The following EVI2B variants were observed in gnomAD, a reference collection of about 807,000 sequenced individuals.
EVI2B encodes ecotropic viral integration site 2B.
In EVI2B, 4 loss-of-function variants were observed where a neutral mutation model predicts 6.6. The ratio of observed to expected loss-of-function variants is 0.61; its 90% CI spans 0.30 to 1.39. The LOEUF (loss-of-function observed/expected upper bound fraction) is 1.39, where lower values mean the gene tolerates loss of function less well. Among genes scored for constraint, EVI2B ranks in the 40% most tolerant of loss-of-function variants. The probability of loss-of-function intolerance (pLI) is 0.08; values close to 1 mark genes in which losing one functional copy is unlikely to be tolerated. For missense variants in EVI2B, 484 were observed against 516.6 expected, an observed-to-expected ratio of 0.94 and a Z score of 0.61; for synonymous variants, 181 against 186.8, an observed-to-expected ratio of 0.97 and a Z score of 0.25.
chr17:31,306,107 C>A (rs2151511078), intron 1 of EVI2B, among the ~76,000 whole-genome samples: 1 of 152,268 alleles, frequency 6.6e-6, no homozygotes, highest in South Asian at 2.1e-4. Context: ...CTCTCCCCTC[C>A]CCTCCTTGAC....
At chr17:31,313,186 A>G (rs7218930) in intron 1 of EVI2B, among the ~76,000 whole-genome samples, 75,607 of 151,978 alleles carry the variant, frequency 0.5, 20,655 homozygotes, top group Non-Finnish European at 0.62. Flanking sequence ...ATTAAGTGAA[A>G]GTGACCATTC....
chr17:31,312,816 A>G (rs1034644571), intron 1 of EVI2B, among the ~76,000 whole-genome samples: 5 of 152,096 alleles, frequency 3.3e-5, no homozygotes, highest in African/African-American at 4.8e-5. Context: ...CCCACTATGA[A>G]CATATTATTC....
intron 1 of EVI2B, among the ~76,000 whole-genome samples, chr17:31,309,924 C>T (rs1163564868): frequency 6.6e-6 from 1 of 152,160 alleles, no homozygotes; most frequent in African/African-American, 2.4e-5. Context: ...AGCTTTTTAT[C>T]CTCCTAGGAT....
intron 1 of EVI2B, among the ~76,000 whole-genome samples, chr17:31,307,001 G>GA (rs2068740973): frequency 6.6e-6 from 1 of 150,542 alleles, no homozygotes; most frequent in African/African-American, 2.4e-5. Flanking sequence ...AAAGAAGAAA[G>GA]AAAAAAAGCT....
intron 1 of EVI2B, among the ~76,000 whole-genome samples, chr17:31,311,079 G>A (rs1458047515): frequency 6.6e-6 from 1 of 151,030 alleles, no homozygotes; most frequent in Non-Finnish European, 1.5e-5. Context: ...CTTCCCTAAA[G>A]AAGTTAGAAA....
At chr17:31,309,490 A>G (rs190369009) in intron 1 of EVI2B, among the ~76,000 whole-genome samples, 1 of 152,266 alleles carries the variant, frequency 6.6e-6, no homozygotes, top group Non-Finnish European at 1.5e-5. Context: ...CCTACCCATT[A>G]TTCTTATAGA....
chr17:31,313,456 C>G (rs1008360119), intron 1 of EVI2B, among the ~76,000 whole-genome samples: 4 of 152,046 alleles, frequency 2.6e-5, no homozygotes, highest in Admixed American at 6.6e-5. Context: ...GTAATCCCAG[C>G]ACTTTGGGAG....
intron 1 of EVI2B, chr17:31,307,957 GC>G: frequency 7.8e-7 from 1 of 1,278,326 alleles, no homozygotes; most frequent in South Asian, 1.2e-5. Flanking sequence ...ATGATAAATG[GC>G]CCTGTTTTAG....
Position 31,304,176 on chromosome 17 carries a change from A to C in EVI2B, c.*87T>G. 1 of 1,300,054 alleles carries C rather than the reference A, an allele frequency of 7.7e-7. No homozygotes were observed. The highest frequency in any genetic ancestry group is 1.1e-6 in the Non-Finnish European group (1 of 945,976). The allele number at this position is 1,300,054 out of a possible 1,614,324, so 80.5% of individuals were successfully genotyped here. Reference sequence around the variant, plus strand: ...TCCTGAATAAAAATCAAAATTGACTATCAGTTGCCATTTTATATATGTTAA... The same window carrying C: ...TCCTGAATAAAAATCAAAATTGACTCTCAGTTGCCATTTTATATATGTTAA... On this transcript the variant is annotated 3_prime_UTR_variant, in exon 2 of 2. Coordinates refer to ENST00000330927, the MANE Select transcript of EVI2B (RefSeq NM_006495.4).
At chr17:31,307,513 A>G (rs2068756165) in intron 1 of EVI2B, among the ~76,000 whole-genome samples, 1 of 152,226 alleles carries the variant, frequency 6.6e-6, no homozygotes, top group African/African-American at 2.4e-5. Context: ...AAAGTTTGGC[A>G]GATAGGGCTT....
intron 1 of EVI2B, among the ~76,000 whole-genome samples, chr17:31,310,059 C>G (rs1021139635): frequency 6.6e-6 from 1 of 152,036 alleles, no homozygotes; most frequent in Non-Finnish European, 1.5e-5. Context: ...AAAAAACTGA[C>G]TTTTTTCCCA....
At chr17:31,309,893 A>G (rs2068822353) in intron 1 of EVI2B, among the ~76,000 whole-genome samples, 1 of 152,186 alleles carries the variant, frequency 6.6e-6, no homozygotes, top group African/African-American at 2.4e-5. Flanking sequence ...CTATCCTAAC[A>G]CTTTCTACCA....
Position 31,304,658 on chromosome 17 carries a change from C to G in EVI2B, c.952G>C (p.Glu318Gln), listed in dbSNP as rs547042038. Reference sequence around the variant, plus strand: ...ACTGTTGAACCATCAGCACTATCTTCTGATGTACCATTTACTTGATCTTTT... The same window carrying G: ...ACTGTTGAACCATCAGCACTATCTTGTGATGTACCATTTACTTGATCTTTT... Reference protein sequence around the residue: ...KIKDQVNGTSEDSADGSTVGT... With the variant: ...KIKDQVNGTSQDSADGSTVGT... Residue 318 changes from glutamate to glutamine, a missense_variant, in exon 2 of 2, where the codon GAA (glutamate) becomes CAA (glutamine). Coordinates refer to ENST00000330927, the MANE Select transcript of EVI2B (RefSeq NM_006495.4). 35 of 1,614,170 alleles carry G rather than the reference C, an allele frequency of 2.2e-5. No individual in the cohort carries two copies. The highest frequency in any genetic ancestry group is 2.7e-5 in the Non-Finnish European group (32 of 1,180,010).
intron 1 of EVI2B, among the ~76,000 whole-genome samples, chr17:31,312,303 A>C (rs1256290490): frequency 1.3e-5 from 2 of 152,042 alleles, no homozygotes; most frequent in Non-Finnish European, 2.9e-5. Context: ...TGAGGTCAGG[A>C]GTTGAAGACC....
intron 1 of EVI2B, among the ~76,000 whole-genome samples, chr17:31,308,616 T>C (rs1357430362): frequency 1.4e-5 from 2 of 147,670 alleles, no homozygotes; most frequent in South Asian, 2.2e-4. Context: ...TGCTGTTTTT[T>C]ACCCTTCTCA....
chr17:31,304,663 G>A lies in EVI2B; in HGVS notation c.947C>T (p.Thr316Ile), dbSNP rs1424193506. ...TGAACCATCAGCACTATCTTCTGAT[G>A]TACCATTTACTTGATCTTTTATTTT... ...TEKIKDQVNGTSEDSADGSTV... is the reference protein window; with the variant it reads ...TEKIKDQVNGISEDSADGSTV... Residue 316 changes from threonine to isoleucine, a missense_variant, in exon 2 of 2, where the codon ACA (threonine) becomes ATA (isoleucine). Thr to Ile is a moderately conservative substitution (Grantham distance 89). Coordinates refer to ENST00000330927, the MANE Select transcript of EVI2B (RefSeq NM_006495.4). The A allele has an allele frequency of 3.7e-6, 6 of 1,614,138 alleles. No homozygotes were observed. Among genetic ancestry groups the A allele is most frequent in the East Asian group, 4.5e-5 (2 of 44,876 alleles).
At position 31,303,914 on chromosome 17, in the gene EVI2B, G is replaced by A. The variant is rs1567883368; in HGVS notation, c.*349C>T. On this transcript the variant is annotated 3_prime_UTR_variant, in exon 2 of 2. Coordinates refer to ENST00000330927, the MANE Select transcript of EVI2B (RefSeq NM_006495.4). The stretch of plus-strand genomic sequence containing the variant: ...TGGTCTTTGAAATGGAAACATAAAA[G>A]TTTATTCACCATAATTTTATACACA... 1 of 165,984 alleles carries A rather than the reference G, an allele frequency of 6.0e-6. No individual in the cohort carries two copies. The highest frequency in any genetic ancestry group is 1.3e-5 in the Non-Finnish European group (1 of 76,804). 10.3% of individuals were successfully genotyped at this position (165,984 alleles called of 1,614,324 possible). A position where few individuals can be genotyped will look rare whatever the true frequency, so the allele number is the denominator to read the frequency against.
chr17:31,304,771 C>A lies in EVI2B; in HGVS notation c.839G>T (p.Ser280Ile), dbSNP rs1324744861. The change falls in exon 2 of 2, where the codon AGC becomes ATC. Residue 280 changes from serine (S) to isoleucine (I), a missense_variant. Transcript: ENST00000330927. ...TTCTAAGTCATCTGCTAAAAGTGTG[C>A]TTTTGCTTGGTTTCCAGGGTGTAAG... ...ISLTPWKPSK[S>I]TLLADDLEIK... 1 of 1,614,060 alleles carries A rather than the reference C, an allele frequency of 6.2e-7. No individual in the cohort carries two copies. The highest frequency in any genetic ancestry group is 1.7e-5 in the Admixed American group (1 of 60,000).
chr17:31,305,015 T>A lies in EVI2B; in HGVS notation c.595A>T (p.Asn199Tyr), dbSNP rs2068673488. ...TSNKQTPQKN[N>Y]YNSIAAILIG... ...AGTATGGCAGCTATTGAATTATAAT[T>A]GTTTTTTTGTGGGGTTTGTTTGTTA... The change falls in exon 2 of 2, where the codon AAT becomes TAT. Residue 199 changes from asparagine to tyrosine, a missense_variant. Asn to Tyr is a moderately radical substitution (Grantham distance 143). Coordinates refer to ENST00000330927, the MANE Select transcript of EVI2B (RefSeq NM_006495.4). 3 of 1,614,052 alleles carry A rather than the reference T, an allele frequency of 1.9e-6. No individual in the cohort carries two copies. In the South Asian group the frequency reaches 3.3e-5, roughly 18 times the overall value.
Sources: gnomAD v4.1 joint callset for allele counts (sites outside exome capture counted in the v4.1 genomes callset) on GRCh38, gnomAD v4.1.1 for gene constraint, MANE v1.5 for transcripts, NCBI Gene and HGNC (gene_info 2026-07-23, HGNC 2026-07-21) for gene names.